Variants in NUP88 observed in about 807,000 individuals in gnomAD.
NUP88 encodes nucleoporin 88, also known as nuclear pore complex protein Nup88.
Under a neutral mutation model 93.9 loss-of-function variants are expected in NUP88, and 57 were observed. The ratio of observed to expected loss-of-function variants is 0.61; its 90% CI spans 0.49 to 0.76. NUP88 has a LOEUF of 0.76. NUP88 is among the 30% of genes least tolerant of loss of function. The pLI is 0.00. For synonymous variants in NUP88, 346 were observed against 336.8 expected, an observed-to-expected ratio of 1.03 and a Z score of -0.30; for missense variants, 911 against 901.0, an observed-to-expected ratio of 1.01 and a Z score of -0.14.
intron 2 of NUP88, 80 bp from the exon 3 acceptor site, chr17:5,414,214 A>C (rs1597331186): frequency 1.5e-6 from 2 of 1,327,538 alleles, no homozygotes; most frequent in East Asian, 2.6e-5. Context: ...TTTTTTTTGC[A>C]GATGGAGTTT....
chr17:5,407,555 CAA>C (rs1913570533), intron 5 of NUP88, among the ~76,000 whole-genome samples: 2 of 152,184 alleles, frequency 1.3e-5, no homozygotes. Flanking sequence ...AGTTTTCCCT[CAA>C]ATTCTTATCC....
chr17:5,387,943 A>G, intron 11 of NUP88, 39 bp from the exon 12 acceptor site: 3 of 1,560,638 alleles, frequency 1.9e-6, no homozygotes, highest in Non-Finnish European at 2.6e-6. Context: ...TCCTTAGCTG[A>G]GTAAAACAAC....
chr17:5,393,435 C>CTT (rs35265554), intron 9 of NUP88, among the ~76,000 whole-genome samples: 92 of 121,676 alleles, frequency 7.6e-4, no homozygotes, highest in South Asian at 1.4e-3. Flanking sequence ...GTTCACTTTT[C>CTT]TTTTTTTTTT....
chr17:5,386,405 T>C, intron 16 of NUP88, 136 bp from the exon 17 acceptor site: 1 of 727,924 alleles, frequency 1.4e-6, no homozygotes, highest in Non-Finnish European at 2.3e-6. Flanking sequence ...TTCAGGTGGA[T>C]AGCAATAGTG....
At chr17:5,386,639 G>C in intron 16 of NUP88, 69 bp downstream of exon 16, 1 of 1,035,894 alleles carries the variant, frequency 9.7e-7, no homozygotes, top group Non-Finnish European at 1.5e-6. Context: ...TATTAAGACA[G>C]GTTGATTCTG....
chr17:5,389,775 CAAAAAAAAAAA>C (rs58723410), intron 10 of NUP88, among the ~76,000 whole-genome samples: 1 of 76,590 alleles, frequency 1.3e-5, no homozygotes, highest in South Asian at 4.8e-4. Context: ...GACTCTGTCT[CAAAAAAAAAAA>C]AAAAAAAAAG....
chr17:5,413,244 T>C (rs1173481458), intron 3 of NUP88, among the ~76,000 whole-genome samples: 1 of 152,172 alleles, frequency 6.6e-6, no homozygotes, highest in East Asian at 1.9e-4. Flanking sequence ...AGTGCTGGGA[T>C]TACAGGTGTG....
chr17:5,404,370 T>C (rs1913358943), intron 6 of NUP88, 124 bp from the exon 7 acceptor site: 1 of 896,364 alleles, frequency 1.1e-6, no homozygotes. Flanking sequence ...CCCAGCACTT[T>C]GGGAGGCCGA....
Position 5,419,597 on chromosome 17 carries a change from A to G in NUP88, c.54T>C (p.Leu18=), listed in dbSNP as rs761488461. 8.1e-6 allele frequency: 13 copies of G among 1,604,568 alleles called. No individual in the cohort carries two copies. The South Asian group carries it at 1.4e-4, about 18-fold the overall frequency. Residue 18 remains leucine, a synonymous_variant, in exon 1 of 17, where the codon CTT becomes CTC. Transcript: ENST00000573584. ...VGDGELWQTW[L]PNHVVFLRLR... ...GCCGCAAGAACACGACGTGGTTAGGAAGCCAGGTCTGCCACAGCTCGCCGT... is the reference window on the plus strand; with the variant it reads ...GCCGCAAGAACACGACGTGGTTAGGGAGCCAGGTCTGCCACAGCTCGCCGT...
chr17:5,407,859 A>C (rs1451005524), intron 5 of NUP88, among the ~76,000 whole-genome samples: 1 of 152,096 alleles, frequency 6.6e-6, no homozygotes, highest in East Asian at 1.9e-4. Flanking sequence ...TTACCACCCA[A>C]GTTCAAACTC....
At position 5,387,924 on chromosome 17, in the gene NUP88, C is replaced by T; in HGVS notation, c.1644-20G>A. The T allele has an allele frequency of 2.5e-6, 4 of 1,603,742 alleles. No homozygotes were observed. The highest frequency in any genetic ancestry group is 3.4e-6 in the Non-Finnish European group (4 of 1,176,852). ...GAAGCTCTTAAAAACAAAGTTTCTA[C>T]CTTTATTTTCCTTAGCTGAGTAAAA... On this transcript the variant is annotated intron_variant, in intron 11 of 16. Coordinates refer to ENST00000573584, the MANE Select transcript of NUP88 (RefSeq NM_002532.6).
intron 1 of NUP88, among the ~76,000 whole-genome samples, chr17:5,417,480 T>A (rs1384442903): frequency 1.4e-5 from 2 of 147,306 alleles, no homozygotes; most frequent in African/African-American, 2.5e-5. Flanking sequence ...AAATAAAAAA[T>A]AAAATACGTT....
intron 1 of NUP88, among the ~76,000 whole-genome samples, chr17:5,417,820 C>G (rs543660493): frequency 2.9e-4 from 44 of 152,118 alleles, no homozygotes; most frequent in African/African-American, 1.0e-3. Context: ...GCCTGGGCAA[C>G]AGAGCGAGAT....
At position 5,408,318 on chromosome 17, in the gene NUP88, C is replaced by T. The variant is rs140430116; in HGVS notation, c.857+415G>A. On this transcript the variant is annotated intron_variant, in intron 5 of 16. Coordinates refer to ENST00000573584, the MANE Select transcript of NUP88 (RefSeq NM_002532.6). ...CCAGTCAGAATGATCTCTCCTTCCT[C>T]GGGGTTCTTACTGTCTGTGTACCAA... Among the ~76,000 whole-genome samples the T allele has an allele frequency of 1.1e-3, 160 of 152,278 alleles. 1 individual carries two copies. The highest frequency in any genetic ancestry group is 3.7e-3 in the African/African-American group (154 of 41,558).
At chr17:5,397,791 G>A (rs944117280) in intron 8 of NUP88, among the ~76,000 whole-genome samples, 4 of 152,204 alleles carry the variant, frequency 2.6e-5, no homozygotes, top group African/African-American at 9.6e-5. Flanking sequence ...CTAGTTTGAG[G>A]AAGTTCCTTT....
chr17:5,400,645 G>T (rs1913102681), intron 7 of NUP88, among the ~76,000 whole-genome samples: 1 of 152,108 alleles, frequency 6.6e-6, no homozygotes, highest in African/African-American at 2.4e-5. Context: ...GAAAATGGTG[G>T]TTAAAATAGC....
At chr17:5,412,117 A>G (rs1216919610) in intron 3 of NUP88, among the ~76,000 whole-genome samples, 1 of 152,210 alleles carries the variant, frequency 6.6e-6, no homozygotes, top group Non-Finnish European at 1.5e-5. Context: ...AGAACCTTCA[A>G]TATTTGGGGC....
chr17:5,416,180 T>TATATATATATATATATATATAC (rs1374990658), intron 2 of NUP88, among the ~76,000 whole-genome samples: 2 of 107,334 alleles, frequency 1.9e-5, no homozygotes, highest in African/African-American at 7.2e-5. Context: ...TATATATATA[T>TATATATATATATATATATATAC]ACACACATAC....
At chr17:5,399,691 A>C (rs761954103) in intron 7 of NUP88, 41 bp from the exon 8 acceptor site, 1 of 1,110,670 alleles carries the variant, frequency 9.0e-7, no homozygotes, top group African/African-American at 1.6e-5. Context: ...TAGCCAGTGG[A>C]TAACTAAAAA....
Sources: allele counts gnomAD v4.1 joint callset (sites outside exome capture counted in the v4.1 genomes callset), GRCh38; gene constraint gnomAD v4.1.1; transcripts MANE v1.5; gene names NCBI Gene and HGNC (gene_info 2026-07-23, HGNC 2026-07-21).